Variants in ESRRB observed in about 807,000 individuals in gnomAD.
The protein encoded by ESRRB is estrogen related receptor beta.
In ESRRB, 16 loss-of-function variants were observed where a neutral mutation model predicts 46.0. The observed-to-expected ratio is 0.35, with a 90% CI of 0.24 to 0.53. ESRRB has a LOEUF of 0.53. Among genes scored for constraint, ESRRB ranks in the 20% least tolerant of loss-of-function variants. The probability of loss-of-function intolerance (pLI) is 0.93; values close to 1 mark genes in which losing one functional copy is unlikely to be tolerated. For missense variants in ESRRB, 488 were observed against 607.4 expected, an observed-to-expected ratio of 0.80 and a Z score of 2.07; for synonymous variants, 246 against 259.6, an observed-to-expected ratio of 0.95 and a Z score of 0.50.
intron 2 of ESRRB, among the ~76,000 whole-genome samples, chr14:76,448,326 A>AC (rs1259785264): frequency 8.2e-6 from 1 of 122,462 alleles, no homozygotes; most frequent in Non-Finnish European, 1.7e-5. Context: ...ACATTTACTT[A>AC]CCTTTTTTTT....
intron 1 of ESRRB, among the ~76,000 whole-genome samples, chr14:76,411,411 G>A (rs540014051): frequency 3.9e-5 from 6 of 151,978 alleles, no homozygotes; most frequent in African/African-American, 1.4e-4. Flanking sequence ...TTGCGCCACC[G>A]AACTCCAGCC....
At chr14:76,425,992 G>A (rs950829132) in intron 1 of ESRRB, among the ~76,000 whole-genome samples, 2 of 152,210 alleles carry the variant, frequency 1.3e-5, no homozygotes, top group Admixed American at 6.5e-5. Flanking sequence ...TAACTGCATT[G>A]ATACTATTTG....
intron 1 of ESRRB, among the ~76,000 whole-genome samples, chr14:76,344,364 C>G (rs950280318): frequency 6.6e-6 from 1 of 152,016 alleles, no homozygotes; most frequent in Non-Finnish European, 1.5e-5. Context: ...TCCTGGTGCA[C>G]CCATCACTCA....
At chr14:76,359,664 G>C (rs1335692969) in intron 1 of ESRRB, among the ~76,000 whole-genome samples, 1 of 152,178 alleles carries the variant, frequency 6.6e-6, no homozygotes. Flanking sequence ...GGAACCACCT[G>C]AGGAAGTGGC....
chr14:76,487,183 CA>C (rs1890053647), intron 5 of ESRRB, among the ~76,000 whole-genome samples: 1 of 152,190 alleles, frequency 6.6e-6, no homozygotes, highest in Non-Finnish European at 1.5e-5. Flanking sequence ...TTTAATTATA[CA>C]AAATAGTAGC....
intron 5 of ESRRB, among the ~76,000 whole-genome samples, chr14:76,484,832 C>T (rs1566612182): frequency 6.6e-6 from 1 of 152,242 alleles, no homozygotes; most frequent in Non-Finnish European, 1.5e-5. Flanking sequence ...ATGCAAGATA[C>T]TGAATTTTTC....
In ESRRB at chr14:76,485,626, T is replaced by TGAGAGAGAGAGAGA. The variant is rs151021182; in HGVS notation, c.850+2888_850+2901dup. 1.5e-3 allele frequency among the ~76,000 whole-genome samples: 211 copies of TGAGAGAGAGAGAGA among 143,880 alleles called. 2 individuals are homozygous for TGAGAGAGAGAGAGA. The highest frequency in any genetic ancestry group is 0.013 in the East Asian group (56 of 4,430). 94.4% of individuals were successfully genotyped at this position (143,880 alleles called of 152,430 possible). ...CATCTGAAGATGGGCTCCCTATCCC[T>TGAGAGAGAGAGAGA]GAGAGAGAGAGAGAGAGAGAGAGAG... On this transcript the variant is annotated intron_variant, in intron 5 of 6. Transcript: ENST00000644823.
At chr14:76,315,203 C>T (rs1883784514) in intron 1 of ESRRB, among the ~76,000 whole-genome samples, 1 of 152,052 alleles carries the variant, frequency 6.6e-6, no homozygotes, top group South Asian at 2.1e-4. Context: ...TTCTGGGGCA[C>T]CTTCTCCCTT....
intron 1 of ESRRB, among the ~76,000 whole-genome samples, chr14:76,421,738 C>CGGAATTCCT (rs1886963833): frequency 6.6e-6 from 1 of 152,176 alleles, no homozygotes; most frequent in African/African-American, 2.4e-5. Context: ...CACCTGCAGC[C>CGGAATTCCT]GGAATTCCTG....
At chr14:76,423,142 CTTTTTTTTTTTT>C (rs397853103) in intron 1 of ESRRB, among the ~76,000 whole-genome samples, 2 of 112,796 alleles carry the variant, frequency 1.8e-5, no homozygotes, top group African/African-American at 3.4e-5. Context: ...CTTTCATAAC[CTTTTTTTTTTTT>C]TTTTTTTTTG....
chr14:76,467,269 G>T (rs1307509667), intron 3 of ESRRB, among the ~76,000 whole-genome samples: 2 of 151,800 alleles, frequency 1.3e-5, no homozygotes, highest in African/African-American at 4.8e-5. Context: ...GGGAGGCCAA[G>T]GTGGGCAGAT....
At chr14:76,332,720 T>A (rs868476966) in intron 1 of ESRRB, among the ~76,000 whole-genome samples, 711 of 22,992 alleles carry the variant, frequency 0.031, 34 homozygotes, top group Non-Finnish European at 0.039. Context: ...ATTTATATAT[T>A]ATATATATTT....
intron 1 of ESRRB, among the ~76,000 whole-genome samples, chr14:76,433,039 C>T (rs1367306493): frequency 1.3e-5 from 2 of 152,042 alleles, no homozygotes; most frequent in Non-Finnish European, 2.9e-5. Context: ...TAGGACCCCA[C>T]CCTTAAGAAT....
At chr14:76,398,541 G>C in intron 1 of ESRRB, among the ~76,000 whole-genome samples, 1 of 152,162 alleles carries the variant, frequency 6.6e-6, no homozygotes, top group Admixed American at 6.5e-5. Flanking sequence ...AGAGTAGGGA[G>C]GCAGTGCCCT....
At chr14:76,421,948 T>C (rs1238006386) in intron 1 of ESRRB, among the ~76,000 whole-genome samples, 1 of 152,204 alleles carries the variant, frequency 6.6e-6, no homozygotes, top group Non-Finnish European at 1.5e-5. Context: ...GTTGCATCAG[T>C]GAGCAGTAAT....
At chr14:76,420,558 A>AGTGTGTGTGTGTGT (rs61137774) in intron 1 of ESRRB, among the ~76,000 whole-genome samples, 194 of 142,456 alleles carry the variant, frequency 1.4e-3, no homozygotes, top group African/African-American at 5.0e-3. Context: ...ACAGGGTGTG[A>AGTGTGTGTGTGTGT]GTGTGTGTGT....
intron 1 of ESRRB, among the ~76,000 whole-genome samples, chr14:76,338,949 C>T (rs1884159371): frequency 6.6e-6 from 1 of 152,104 alleles, no homozygotes; most frequent in South Asian, 2.1e-4. Flanking sequence ...TCCCCTTAAC[C>T]CCCTGAAAAA....
At chr14:76,417,295 C>T (rs1363831229) in intron 1 of ESRRB, among the ~76,000 whole-genome samples, 2 of 152,016 alleles carry the variant, frequency 1.3e-5, no homozygotes, top group African/African-American at 2.4e-5. Context: ...AGTGCAAAGG[C>T]CCTGGGATGG....
chr14:76,395,237 G>C (rs1487745329), intron 1 of ESRRB, among the ~76,000 whole-genome samples: 1 of 152,142 alleles, frequency 6.6e-6, no homozygotes, highest in Non-Finnish European at 1.5e-5. Context: ...AAATATGAAT[G>C]CATCGTCCTG....
Sources: allele counts gnomAD v4.1 joint callset (sites outside exome capture counted in the v4.1 genomes callset), GRCh38; gene constraint gnomAD v4.1.1; transcripts MANE v1.5; gene names NCBI Gene and HGNC (gene_info 2026-07-23, HGNC 2026-07-21).